The following SORT1 variants were observed in gnomAD, a reference collection of about 807,000 sequenced individuals.
The protein encoded by SORT1 is sortilin.
Under a neutral mutation model 101.7 loss-of-function variants are expected in SORT1, and 39 were observed. The observed-to-expected ratio is 0.38, with a 90% CI of 0.30 to 0.50. The LOEUF (loss-of-function observed/expected upper bound fraction) is 0.50, where lower values mean the gene tolerates loss of function less well. Ranked by LOEUF, SORT1 falls within the 20% of genes least tolerant of loss-of-function variation. SORT1 has a pLI of 0.90. For synonymous variants in SORT1, 396 were observed against 393.7 expected, an observed-to-expected ratio of 1.01 and a Z score of -0.07; for missense variants, 878 against 1,040.4, an observed-to-expected ratio of 0.84 and a Z score of 2.15.
At chr1:109,340,526 T>C (rs1220506609) in intron 10 of SORT1, among the ~76,000 whole-genome samples, 198 bp downstream of exon 10, 2 of 151,910 alleles carry the variant, frequency 1.3e-5, no homozygotes, top group Non-Finnish European at 2.9e-5. Context: ...TACTGAATTG[T>C]ACCCTATACA....
intron 1 of SORT1, chr1:109,389,675 C>G (rs1279901104): frequency 1.3e-5 from 2 of 152,272 alleles, no homozygotes; most frequent in African/African-American, 4.8e-5. Flanking sequence ...TCCTGGCTTC[C>G]TCATGCCTTG....
intron 11 of SORT1, among the ~76,000 whole-genome samples, chr1:109,331,929 C>A (rs1391170362): frequency 2.3e-4 from 24 of 103,654 alleles, no homozygotes; most frequent in African/African-American, 7.4e-4. Context: ...TACAATAGTA[C>A]AAGAAAAAAA....
chr1:109,321,525 TG>T (rs1647625643), intron 15 of SORT1, among the ~76,000 whole-genome samples: 1 of 152,172 alleles, frequency 6.6e-6, no homozygotes, highest in Non-Finnish European at 1.5e-5. Flanking sequence ...CCAGCCCTAC[TG>T]GAACACCAAA....
In SORT1 at chr1:109,340,844, G is replaced by A; in HGVS notation, c.1144C>T (p.Arg382Ter). Residue 382 changes from arginine (R) to a stop codon, truncating the protein, a stop_gained, in exon 10 of 20, where the codon CGA (arginine) becomes TGA (stop). Transcript: ENST00000256637. LOFTEE classifies it high-confidence loss of function. Reference sequence around the variant, plus strand: ...AAAGACTTGGAATAGACAATGCCTCGATCATCTGAGGTAAAGATTGTGCCA... The same window carrying A: ...AAAGACTTGGAATAGACAATGCCTCAATCATCTGAGGTAAAGATTGTGCCA... ...GFGTIFTSDD[R>*]GIVYSKSLDR... 1 of 1,613,782 alleles carries A rather than the reference G, an allele frequency of 6.2e-7. No individual in the cohort carries two copies. The highest frequency in any genetic ancestry group is 8.5e-7 in the Non-Finnish European group (1 of 1,179,768).
At chr1:109,350,438 G>A (rs1177525819) in intron 6 of SORT1, among the ~76,000 whole-genome samples, 1 of 152,156 alleles carries the variant, frequency 6.6e-6, no homozygotes, top group Non-Finnish European at 1.5e-5. Flanking sequence ...CACCCGGAGG[G>A]GCAGGGAATC....
intron 1 of SORT1, chr1:109,393,061 T>C: frequency 8.1e-6 from 8 of 985,396 alleles, no homozygotes; most frequent in Non-Finnish European, 9.6e-6. Flanking sequence ...GGTCTGGCGA[T>C]TCACAACAAC....
At chr1:109,357,988 A>T (rs1650445172) in intron 3 of SORT1, among the ~76,000 whole-genome samples, 1 of 152,224 alleles carries the variant, frequency 6.6e-6, no homozygotes, top group Admixed American at 6.5e-5. Context: ...CAGCCTGATT[A>T]GTACTAGTTT....
intron 12 of SORT1, 24 bp downstream of exon 12, chr1:109,327,475 G>A: frequency 7.1e-7 from 1 of 1,414,292 alleles, no homozygotes; most frequent in Non-Finnish European, 9.9e-7. Context: ...TCCAGTTGGA[G>A]GTGGTGAGTG....
chr1:109,334,906 G>C (rs1420637200), intron 11 of SORT1, among the ~76,000 whole-genome samples: 1 of 151,974 alleles, frequency 6.6e-6, no homozygotes. Context: ...GTTCAAAATG[G>C]CTAAAATGAT....
chr1:109,341,871 T>C, intron 9 of SORT1, 143 bp downstream of exon 9: 1 of 784,292 alleles, frequency 1.3e-6, no homozygotes, highest in East Asian at 2.5e-5. Context: ...TAACAGGGGC[T>C]ACAGATGATC....
At chr1:109,383,509 GTAAC>G (rs1170928423) in intron 1 of SORT1, among the ~76,000 whole-genome samples, 2 of 152,208 alleles carry the variant, frequency 1.3e-5, no homozygotes, top group East Asian at 3.8e-4. Context: ...GCCTAGCTCA[GTAAC>G]TAACTGGTTG....
Position 109,312,080 on chromosome 1 carries a change from T to C in SORT1, c.*1963A>G, listed in dbSNP as rs1324823369. 1 of 151,978 alleles carries C rather than the reference T, an allele frequency of 6.6e-6. No individual in the cohort carries two copies. The highest frequency in any genetic ancestry group is 2.4e-5 in the African/African-American group (1 of 41,362). 9.4% of individuals were successfully genotyped at this position (151,978 alleles called of 1,614,324 possible). A position where few individuals can be genotyped will look rare whatever the true frequency, so the allele number is the denominator to read the frequency against. ...TGAGTTTCCTACGTCTTAAAATGAG[T>C]AAGAGGATTACCATGTATTGGTGCA... On this transcript the variant is annotated 3_prime_UTR_variant, in exon 20 of 20. Transcript: ENST00000256637.
At chr1:109,348,781 C>T (rs3879447) in intron 6 of SORT1, among the ~76,000 whole-genome samples, 97,566 of 151,882 alleles carry the variant, frequency 0.64, 33,115 homozygotes, top group East Asian at 0.96. Context: ...GTATGAGCCA[C>T]TGCACTTGGC....
chr1:109,382,774 C>A (rs1652321933), intron 1 of SORT1, among the ~76,000 whole-genome samples: 1 of 152,132 alleles, frequency 6.6e-6, no homozygotes, highest in Non-Finnish European at 1.5e-5. Flanking sequence ...TTCAGGAATT[C>A]ATTATGTTAG....
At chr1:109,333,029 G>A (rs1027400347) in intron 11 of SORT1, among the ~76,000 whole-genome samples, 2 of 152,156 alleles carry the variant, frequency 1.3e-5, no homozygotes, top group African/African-American at 4.8e-5. Context: ...CCAGGTTCAA[G>A]CAATTCTCCT....
At chr1:109,357,367 G>A (rs543116038) in intron 3 of SORT1, among the ~76,000 whole-genome samples, 3 of 152,272 alleles carry the variant, frequency 2.0e-5, no homozygotes, top group Admixed American at 6.5e-5. Context: ...TTTTGGTAGC[G>A]GCCTCAACAA....
intron 1 of SORT1, among the ~76,000 whole-genome samples, chr1:109,384,780 GA>G (rs528511111): frequency 1.3e-5 from 2 of 152,136 alleles, no homozygotes; most frequent in Non-Finnish European, 1.5e-5. Flanking sequence ...AGGAGACACA[GA>G]AAAGAAATAG....
At chr1:109,389,563 C>A (rs375357705) in intron 1 of SORT1, among the ~76,000 whole-genome samples, 51 of 152,198 alleles carry the variant, frequency 3.4e-4, no homozygotes, top group African/African-American at 9.4e-4. Flanking sequence ...GCCCAATAAT[C>A]CATGATTCAA....
chr1:109,351,727 G>A lies in SORT1; in HGVS notation c.709-725C>T, dbSNP rs570064012. ...TCTCAGGAGGAATGTGTGCTAAGCA[G>A]GAGGATGACACAGTCCGTTTCACTT... is the stretch of plus-strand genomic sequence containing the variant. On this transcript the variant is annotated intron_variant, in intron 5 of 19. Coordinates refer to ENST00000256637, the MANE Select transcript of SORT1 (RefSeq NM_002959.7). 2.0e-5 allele frequency among the ~76,000 whole-genome samples: 3 copies of A among 152,238 alleles called. 1 individual carries two copies. In the South Asian group the frequency reaches 6.2e-4, roughly 32 times the overall value.
Sources: gnomAD v4.1 joint callset for allele counts (sites outside exome capture counted in the v4.1 genomes callset) on GRCh38, gnomAD v4.1.1 for gene constraint, MANE v1.5 for transcripts, NCBI Gene and HGNC (gene_info 2026-07-23, HGNC 2026-07-21) for gene names.